The following TRDN variants were observed in gnomAD, a reference collection of about 807,000 sequenced individuals.
TRDN encodes the protein triadin in skeletal muscle.
Under a neutral mutation model 149.7 loss-of-function variants are expected in TRDN, and 161 were observed. The ratio of observed to expected loss-of-function variants is 1.08; its 90% CI spans 0.95 to 1.23. TRDN has a LOEUF of 1.23. TRDN is among the 50% of genes most tolerant of loss of function. TRDN has a pLI of 0.00. For synonymous variants in TRDN, 294 were observed against 250.5 expected (o/e 1.17, Z -1.64); for missense variants, 896 against 823.5 (o/e 1.09, Z -1.08).
intron 24 of TRDN, among the ~76,000 whole-genome samples, chr6:123,281,618 A>G (rs1473546367): frequency 1.3e-5 from 2 of 152,058 alleles, no homozygotes; most frequent in East Asian, 3.8e-4. Context: ...AAAAAACCCT[A>G]AAATACACAT....
intron 1 of TRDN, among the ~76,000 whole-genome samples, chr6:123,631,412 G>A (rs1200321346): frequency 6.6e-6 from 1 of 151,826 alleles, no homozygotes; most frequent in Non-Finnish European, 1.5e-5. Context: ...TCTAATTAAT[G>A]TCTCTAATTA....
chr6:123,473,570 T>C (rs2114744184), intron 9 of TRDN, among the ~76,000 whole-genome samples: 1 of 151,826 alleles, frequency 6.6e-6, no homozygotes, highest in Admixed American at 6.6e-5. Flanking sequence ...CAGGCCAACG[T>C]TCAGATTCAG....
intron 1 of TRDN, among the ~76,000 whole-genome samples, chr6:123,626,214 G>A (rs1039379383): frequency 1.3e-5 from 2 of 152,100 alleles, no homozygotes; most frequent in Non-Finnish European, 2.9e-5. Flanking sequence ...AGGCATGGTG[G>A]CTCATGCCTG....
chr6:123,602,328 T>C (rs569770204), intron 1 of TRDN, among the ~76,000 whole-genome samples: 1 of 152,106 alleles, frequency 6.6e-6, no homozygotes, highest in Admixed American at 6.6e-5. Flanking sequence ...AACACAAGAA[T>C]GGAAAACCAA....
intron 12 of TRDN, among the ~76,000 whole-genome samples, chr6:123,402,061 A>G (rs2114487909): frequency 6.6e-6 from 1 of 152,300 alleles, no homozygotes; most frequent in African/African-American, 2.4e-5. Context: ...TTATGAATCA[A>G]TCCAGCTGGA....
At chr6:123,454,044 A>G (rs1178765079) in intron 10 of TRDN, among the ~76,000 whole-genome samples, 3 of 152,084 alleles carry the variant, frequency 2.0e-5, no homozygotes, top group Non-Finnish European at 4.4e-5. Flanking sequence ...AAAACCAAAC[A>G]TCGGGTGTTC....
In TRDN at chr6:123,464,880, T is replaced by C. The variant is rs766253796; in HGVS notation, c.931+26A>G. 8.3e-6 allele frequency: 13 copies of C among 1,557,228 alleles called. No homozygotes were observed. The East Asian group carries it at 2.6e-4, about 31-fold the overall frequency. On this transcript the variant is annotated intron_variant, in intron 10 of 40. Coordinates refer to ENST00000334268, the MANE Select transcript of TRDN (RefSeq NM_006073.4). ...CATTCTATTTTATCTACAATAGAGA[T>C]CTTTAAGAAAAAAAAAAGTACTTGC...
intron 9 of TRDN, among the ~76,000 whole-genome samples, chr6:123,477,950 C>T (rs900480268): frequency 1.3e-5 from 2 of 151,836 alleles, no homozygotes. Flanking sequence ...GGGAGATATA[C>T]CTAACGCGAG....
intron 4 of TRDN, among the ~76,000 whole-genome samples, chr6:123,533,608 T>C (rs1379833737): frequency 6.6e-6 from 1 of 152,026 alleles, no homozygotes; most frequent in Non-Finnish European, 1.5e-5. Flanking sequence ...TCTTAGCTCT[T>C]GTGTACTCAG....
chr6:123,602,040 T>C (rs1261744377), intron 1 of TRDN, among the ~76,000 whole-genome samples: 2 of 152,152 alleles, frequency 1.3e-5, no homozygotes, highest in African/African-American at 4.8e-5. Flanking sequence ...AAATACCTAA[T>C]GAATGGTAAC....
At chr6:123,558,047 C>T (rs1781774024) in intron 2 of TRDN, among the ~76,000 whole-genome samples, 1 of 152,086 alleles carries the variant, frequency 6.6e-6, no homozygotes, top group Non-Finnish European at 1.5e-5. Flanking sequence ...TTCGACTTTT[C>T]CACCCTACAA....
At position 123,440,902 on chromosome 6, in the gene TRDN, G is replaced by A. The variant is rs748357048; in HGVS notation, c.932-1899C>T. The A allele has an allele frequency of 5.9e-5, 9 of 151,966 alleles. No individual in the cohort carries two copies. The South Asian group carries it at 6.2e-4, about 11-fold the overall frequency. The allele number at this position is 151,966 out of a possible 1,614,324, so 9.4% of individuals were successfully genotyped here. A position where few individuals can be genotyped will look rare whatever the true frequency, so the allele number is the denominator to read the frequency against. The stretch of plus-strand genomic sequence containing the variant: ...GTGGTGATACAGTATTCTTGTCTTC[G>A]TCCAAATTGAATTAATGCTCCTATT... On this transcript the variant is annotated intron_variant, in intron 10 of 40. Transcript: ENST00000334268.
intron 1 of TRDN, among the ~76,000 whole-genome samples, chr6:123,601,219 A>G (rs1024248498): frequency 6.6e-6 from 1 of 152,138 alleles, no homozygotes; most frequent in African/African-American, 2.4e-5. Context: ...TTCTGGATGC[A>G]CAGCAGAGAT....
Position 123,218,582 on chromosome 6 carries a change from A to G in TRDN, c.*19T>C. On this transcript the variant is annotated 3_prime_UTR_variant, in exon 41 of 41. Transcript: ENST00000334268. ...ATTTTTAAAATCTTAAAGCACTTGT[A>G]AGGGTCATACATGTGTGTTTACTGT... 1 of 1,600,882 alleles carries G rather than the reference A, an allele frequency of 6.2e-7. No individual in the cohort carries two copies. The highest frequency in any genetic ancestry group is 8.5e-7 in the Non-Finnish European group (1 of 1,174,488).
chr6:123,555,608 A>C (rs998637312), intron 2 of TRDN, among the ~76,000 whole-genome samples: 1 of 152,180 alleles, frequency 6.6e-6, no homozygotes, highest in Non-Finnish European at 1.5e-5. Context: ...TTGGCATCTG[A>C]TAAGCCACTT....
intron 4 of TRDN, 138 bp downstream of exon 4, chr6:123,547,202 T>C (rs1781154370): frequency 3.7e-6 from 2 of 537,576 alleles, no homozygotes; most frequent in Admixed American, 4.2e-5. Context: ...TTGAGTATTT[T>C]TTTTCTGACT....
intron 9 of TRDN, among the ~76,000 whole-genome samples, chr6:123,474,571 C>G (rs534705137): frequency 9.9e-5 from 15 of 152,076 alleles, no homozygotes; most frequent in Non-Finnish European, 1.9e-4. Flanking sequence ...TGCACCAAGC[C>G]GACCTAATAG....
At chr6:123,538,874 T>C (rs1482788083) in intron 4 of TRDN, among the ~76,000 whole-genome samples, 3 of 152,204 alleles carry the variant, frequency 2.0e-5, no homozygotes, top group Admixed American at 6.5e-5. Context: ...TCTCCATCTA[T>C]AAATGAGATA....
chr6:123,299,528 C>T (rs908678761), intron 24 of TRDN, among the ~76,000 whole-genome samples: 1 of 151,954 alleles, frequency 6.6e-6, no homozygotes, highest in Non-Finnish European at 1.5e-5. Flanking sequence ...TATTGAGTGT[C>T]AAATTTGAGC....
Sources: allele counts gnomAD v4.1 joint callset (sites outside exome capture counted in the v4.1 genomes callset), GRCh38; gene constraint gnomAD v4.1.1; transcripts MANE v1.5; gene names NCBI Gene and HGNC (gene_info 2026-07-23, HGNC 2026-07-21).